Variants in ATP6V0A4 observed in about 807,000 individuals in gnomAD.
ATP6V0A4 encodes the protein V-type proton ATPase 116 kDa subunit a 4.
ATP6V0A4 carries 86 observed loss-of-function variants against 107.3 expected under a neutral mutation model. The ratio of observed to expected loss-of-function variants is 0.80; its 90% confidence interval spans 0.67 to 0.96. ATP6V0A4 has a LOEUF of 0.96. ATP6V0A4 is among the 40% of genes least tolerant of loss of function. ATP6V0A4 has a pLI of 0.00. For missense variants in ATP6V0A4, 908 were observed against 1,045.6 expected (o/e 0.87, Z 1.81); for synonymous variants, 353 against 381.4 (o/e 0.93, Z 0.87).
At chr7:138,758,475 C>T (rs1278930011) in intron 8 of ATP6V0A4, among the ~76,000 whole-genome samples, 1 of 151,894 alleles carries the variant, frequency 6.6e-6, no homozygotes, top group East Asian at 1.9e-4. Context: ...TTTTTTTAGC[C>T]TCTAATCTGA....
chr7:138,765,250 C>T (rs1807026932), intron 5 of ATP6V0A4, among the ~76,000 whole-genome samples: 1 of 152,110 alleles, frequency 6.6e-6, no homozygotes, highest in Non-Finnish European at 1.5e-5. Context: ...GCTTCAGTTC[C>T]ACTCCATTAC....
At chr7:138,734,938 G>A (rs1293455051) in intron 15 of ATP6V0A4, among the ~76,000 whole-genome samples, 2 of 152,010 alleles carry the variant, frequency 1.3e-5, no homozygotes, top group African/African-American at 2.4e-5. Flanking sequence ...AGTCTGTAGT[G>A]CTTCGCATTA....
chr7:138,710,938 T>C (rs967690037), intron 20 of ATP6V0A4, among the ~76,000 whole-genome samples: 3 of 152,294 alleles, frequency 2.0e-5, no homozygotes, highest in Admixed American at 2.0e-4. Context: ...TTTACACATA[T>C]TATCCCAGTA....
Position 138,747,414 on chromosome 7 carries a change from T to G in ATP6V0A4, c.1320+11A>C, listed in dbSNP as rs759462610. 1 of 1,613,720 alleles carries G rather than the reference T, an allele frequency of 6.2e-7. No homozygotes were observed. The highest frequency in any genetic ancestry group is 1.3e-5 in the African/African-American group (1 of 75,052). On this transcript the variant is annotated intron_variant, in intron 13 of 21. Transcript: ENST00000310018. Reference sequence around the variant, plus strand: ...AAATGAATCAGGGCAAGACGGTCAATGGACACTCACCTCATTGTCTGTCTT... The same window carrying G: ...AAATGAATCAGGGCAAGACGGTCAAGGGACACTCACCTCATTGTCTGTCTT...
At chr7:138,726,426 G>A (rs143237791) in intron 18 of ATP6V0A4, among the ~76,000 whole-genome samples, 25 of 152,364 alleles carry the variant, frequency 1.6e-4, no homozygotes, top group Non-Finnish European at 2.5e-4. Context: ...AAGGGCTCTC[G>A]GAAGGAGATG....
intron 17 of ATP6V0A4, among the ~76,000 whole-genome samples, chr7:138,730,385 T>TGTGTGTGG (rs1246692093): frequency 1.4e-5 from 2 of 142,198 alleles, no homozygotes; most frequent in South Asian, 2.2e-4. Context: ...TGTGTGTGTG[T>TGTGTGTGG]GGCTATCCTT....
intron 8 of ATP6V0A4, among the ~76,000 whole-genome samples, chr7:138,758,808 T>C (rs1806640935): frequency 7.8e-6 from 1 of 128,576 alleles, no homozygotes; most frequent in Non-Finnish European, 1.6e-5. Context: ...TGGAGTGCAG[T>C]GGCACAATCT....
At chr7:138,709,287 C>A (rs1479303592) in intron 21 of ATP6V0A4, among the ~76,000 whole-genome samples, 1 of 151,026 alleles carries the variant, frequency 6.6e-6, no homozygotes, top group African/African-American at 2.4e-5. Flanking sequence ...TCAGATGCCA[C>A]CTTGCCAATA....
intron 13 of ATP6V0A4, among the ~76,000 whole-genome samples, chr7:138,745,962 A>AAAT (rs1554396065): frequency 1.8e-4 from 12 of 65,638 alleles, no homozygotes; most frequent in East Asian, 1.3e-3. Flanking sequence ...AAAAAAAAAA[A>AAAT]ATATATATAT....
chr7:138,793,969 T>A (rs138182643), intron 1 of ATP6V0A4, among the ~76,000 whole-genome samples: 1 of 152,322 alleles, frequency 6.6e-6, no homozygotes, highest in East Asian at 1.9e-4. Flanking sequence ...TTTCTTACTT[T>A]GATCAACTAA....
intron 17 of ATP6V0A4, among the ~76,000 whole-genome samples, chr7:138,730,912 AT>A (rs1028588438): frequency 2.3e-5 from 3 of 131,600 alleles, no homozygotes; most frequent in East Asian, 4.7e-4. Context: ...ATTACAAGGC[AT>A]TTTTTCTTCT....
intron 17 of ATP6V0A4, 130 bp downstream of exon 17, chr7:138,732,747 T>C: frequency 9.7e-7 from 1 of 1,034,832 alleles, no homozygotes; most frequent in Non-Finnish European, 1.4e-6. Context: ...TGAGTCAAGA[T>C]CACGCCACTG....
intron 8 of ATP6V0A4, 115 bp from the exon 9 acceptor site, chr7:138,756,655 T>G: frequency 7.3e-7 from 1 of 1,364,082 alleles, no homozygotes; most frequent in Non-Finnish European, 9.9e-7. Context: ...CATTTAAAAC[T>G]GGGAAACTGT....
chr7:138,714,292 G>C (rs1452893839), intron 20 of ATP6V0A4, among the ~76,000 whole-genome samples: 1 of 151,376 alleles, frequency 6.6e-6, no homozygotes, highest in Non-Finnish European at 1.5e-5. Context: ...GATGGGTCTG[G>C]AGTGCTGGGG....
At chr7:138,739,865 G>A (rs775714161) in intron 14 of ATP6V0A4, among the ~76,000 whole-genome samples, 6 of 152,126 alleles carry the variant, frequency 3.9e-5, no homozygotes, top group East Asian at 1.9e-4. Context: ...ACTCAGGGCC[G>A]GGAGCAGTGG....
At chr7:138,792,570 A>G (rs958613463) in intron 1 of ATP6V0A4, among the ~76,000 whole-genome samples, 1 of 152,112 alleles carries the variant, frequency 6.6e-6, no homozygotes, top group East Asian at 1.9e-4. Flanking sequence ...AAGAGTAGAG[A>G]GCACTTGGTA....
chr7:138,710,314 C>T (rs1488989165), intron 20 of ATP6V0A4, among the ~76,000 whole-genome samples: 3 of 151,914 alleles, frequency 2.0e-5, no homozygotes, highest in Non-Finnish European at 4.4e-5. Context: ...GCCTCAGCCT[C>T]CCGAGTAGCT....
chr7:138,794,761 G>A (rs1390577222), intron 1 of ATP6V0A4, among the ~76,000 whole-genome samples: 1 of 152,128 alleles, frequency 6.6e-6, no homozygotes, highest in Non-Finnish European at 1.5e-5. Flanking sequence ...TGAGGAAATG[G>A]GCCACATGGA....
intron 13 of ATP6V0A4, among the ~76,000 whole-genome samples, chr7:138,746,025 T>C (rs1805933655): frequency 7.1e-6 from 1 of 141,232 alleles, no homozygotes; most frequent in Non-Finnish European, 1.5e-5. Context: ...TATAACATAA[T>C]ATATATTTAT....
Sources: allele counts gnomAD v4.1 joint callset (sites outside exome capture counted in the v4.1 genomes callset), GRCh38; gene constraint gnomAD v4.1.1; transcripts MANE v1.5; gene names NCBI Gene and HGNC (gene_info 2026-07-23, HGNC 2026-07-21).